The following ERMP1 variants were observed in gnomAD, a reference collection of about 807,000 sequenced individuals.
The protein encoded by ERMP1 is endoplasmic reticulum metallopeptidase 1, also known as Felix-ina.
A neutral mutation model predicts 92.0 loss-of-function variants in ERMP1; 86 were observed. That is an observed-to-expected ratio of 0.93 (90% CI 0.79 to 1.12). The LOEUF (loss-of-function observed/expected upper bound fraction) is 1.12, where lower values mean the gene tolerates loss of function less well. Ranked by LOEUF, ERMP1 falls within the 50% of genes most tolerant of loss-of-function variation. The probability of loss-of-function intolerance (pLI) is 0.00; values close to 1 mark genes in which losing one functional copy is unlikely to be tolerated. For synonymous variants in ERMP1, 530 were observed against 412.8 expected, an observed-to-expected ratio of 1.28 and a Z score of -3.44; for missense variants, 1,342 against 1,116.3, an observed-to-expected ratio of 1.20 and a Z score of -2.88.
intron 11 of ERMP1, among the ~76,000 whole-genome samples, chr9:5,800,603 G>A (rs1474694274): frequency 6.6e-6 from 1 of 152,110 alleles, no homozygotes; most frequent in African/African-American, 2.4e-5. Context: ...TTGAACCGAG[G>A]GGGCAGAGGT....
intron 2 of ERMP1, among the ~76,000 whole-genome samples, chr9:5,826,101 A>G (rs1189309793): frequency 6.6e-6 from 1 of 152,208 alleles, no homozygotes; most frequent in Non-Finnish European, 1.5e-5. Flanking sequence ...CTGCTTCAAA[A>G]TAATCAAGAA....
chr9:5,836,243 C>G (rs546307438), upstream of ERMP1, among the ~76,000 whole-genome samples: 2 of 152,186 alleles, frequency 1.3e-5, no homozygotes, highest in Non-Finnish European at 2.9e-5. Context: ...CATTCCATAG[C>G]CAATTTGCCG....
At chr9:5,804,941 G>GTT in intron 10 of ERMP1, 86 bp downstream of exon 10, 1 of 1,007,182 alleles carries the variant, frequency 9.9e-7, no homozygotes, top group Admixed American at 2.6e-5. Context: ...TAAAGTACAC[G>GTT]TAACACTATT....
chr9:5,813,011 T>A lies in ERMP1; in HGVS notation c.899A>T (p.Gln300Leu). 6.2e-7 allele frequency: 1 copy of A among 1,614,022 alleles called. No individual in the cohort carries two copies. The highest frequency in any genetic ancestry group is 8.5e-7 in the Non-Finnish European group (1 of 1,179,930). Reference sequence around the variant, plus strand: ...GTGTTTAGCTGCTGAAACATAAGCTTGAACCAACCAAGGATTTTCAGGACC... The same window carrying A: ...GTGTTTAGCTGCTGAAACATAAGCTAGAACCAACCAAGGATTTTCAGGACC... Reference protein sequence around the residue: ...QTGPENPWLVQAYVSAAKHPF... With the variant: ...QTGPENPWLVLAYVSAAKHPF... Residue 300 changes from glutamine to leucine, a missense_variant, in exon 5 of 15, where the codon CAA becomes CTA. Gln to Leu is a moderately radical substitution (Grantham distance 113, BLOSUM62 -2). Coordinates refer to ENST00000339450, the MANE Select transcript of ERMP1 (RefSeq NM_024896.3).
At chr9:5,814,105 G>C (rs979696388) in intron 4 of ERMP1, among the ~76,000 whole-genome samples, 1 of 152,042 alleles carries the variant, frequency 6.6e-6, no homozygotes, top group African/African-American at 2.4e-5. Context: ...CAACTGGGCA[G>C]AGTTTTCAAA....
intron 5 of ERMP1, 114 bp from the exon 6 acceptor site, chr9:5,812,331 T>C (rs141507908): frequency 1.3e-4 from 80 of 613,362 alleles, no homozygotes; most frequent in Middle Eastern, 4.4e-4. Context: ...AGTGGCACGA[T>C]TGCTTTGTCA....
At chr9:5,817,247 T>C (rs1422956736) in intron 4 of ERMP1, among the ~76,000 whole-genome samples, 2 of 148,594 alleles carry the variant, frequency 1.3e-5, no homozygotes, top group Non-Finnish European at 3.0e-5. Context: ...TGGAATGCAA[T>C]GGCATGATCT....
intron 6 of ERMP1, chr9:5,856,166 T>C (rs1268495007): frequency 1.6e-5 from 5 of 305,000 alleles, no homozygotes; most frequent in Non-Finnish European, 2.7e-5. Context: ...GGGCATTGGT[T>C]TGTCCTAAAG....
At chr9:5,857,307 C>G (rs1019680449) in intron 6 of ERMP1, among the ~76,000 whole-genome samples, 5 of 152,258 alleles carry the variant, frequency 3.3e-5, no homozygotes, top group Non-Finnish European at 5.9e-5. Flanking sequence ...CAGGCATGAG[C>G]CACTGTGCAT....
intron 5 of ERMP1, among the ~76,000 whole-genome samples, chr9:5,860,260 G>A (rs796264782): frequency 6.6e-6 from 1 of 151,080 alleles, no homozygotes; most frequent in Admixed American, 6.6e-5. Context: ...AGCTGTAATT[G>A]TGCCACTGTC....
At chr9:5,838,922 T>TTCCCCCTCTATTCCCCCTCTATTCCCCC (rs1830125090) in intron 6 of ERMP1, among the ~76,000 whole-genome samples, 3 of 152,176 alleles carry the variant, frequency 2.0e-5, no homozygotes, top group African/African-American at 4.8e-5. Flanking sequence ...TCCCCCTCTA[T>TTCCCCCTCTATTCCCCCTCTATTCCCCC]TCATTTCTCT....
intron 6 of ERMP1, among the ~76,000 whole-genome samples, chr9:5,845,298 T>G (rs964764707): frequency 1.3e-5 from 2 of 152,136 alleles, no homozygotes; most frequent in South Asian, 4.1e-4. Flanking sequence ...TGTTTTTGCT[T>G]GTGCCTATAA....
At chr9:5,843,702 T>G (rs919769853) in intron 6 of ERMP1, among the ~76,000 whole-genome samples, 3 of 152,196 alleles carry the variant, frequency 2.0e-5, no homozygotes, top group Non-Finnish European at 4.4e-5. Context: ...AGCAGAACGC[T>G]TTCTGAAGTT....
intron 5 of ERMP1, among the ~76,000 whole-genome samples, chr9:5,862,897 G>T (rs1830546194): frequency 6.6e-6 from 1 of 152,182 alleles, no homozygotes; most frequent in Non-Finnish European, 1.5e-5. Flanking sequence ...CAATAAGAAA[G>T]CCAGAATCCA....
intron 8 of ERMP1, among the ~76,000 whole-genome samples, chr9:5,807,968 C>G (rs1828931893): frequency 6.6e-6 from 1 of 152,102 alleles, no homozygotes; most frequent in African/African-American, 2.4e-5. Context: ...TTATGGCTCT[C>G]TTATGGCATC....
rs1156942274 is a variant in ERMP1 at position 5,832,778 on chromosome 9, G to C, written c.250C>G (p.Leu84Val). ...AGCGAGAGCTGCACCAGCGTCCGCA[G>C]CGCGATCAGGTAGAGCGCGAGCCCC... ...ALGLALYLIALRTLVQLSLQQ... is the reference protein window; with the variant it reads ...ALGLALYLIAVRTLVQLSLQQ... Residue 84 changes from leucine (L) to valine (V), a missense_variant, in exon 1 of 15, where the codon CTG (leucine) becomes GTG (valine). By Grantham distance (32) the Leu-to-Val change is conservative. Coordinates refer to ENST00000339450, the MANE Select transcript of ERMP1 (RefSeq NM_024896.3). The C allele has an allele frequency of 6.7e-7, 1 of 1,500,354 alleles. No individual in the cohort carries two copies. The highest frequency in any genetic ancestry group is 8.8e-7 in the Non-Finnish European group (1 of 1,132,946). 92.9% of individuals were successfully genotyped at this position (1,500,354 alleles called of 1,614,324 possible).
At chr9:5,841,654 G>A (rs1228695738) in intron 6 of ERMP1, among the ~76,000 whole-genome samples, 1 of 152,144 alleles carries the variant, frequency 6.6e-6, no homozygotes, top group Non-Finnish European at 1.5e-5. Context: ...AGCTGGGCAT[G>A]GTGGCACGTG....
At position 5,801,158 on chromosome 9, in the gene ERMP1, T is replaced by C. The variant is rs772612250; in HGVS notation, c.2067+18A>G. 2 of 1,600,610 alleles carry C rather than the reference T, an allele frequency of 1.2e-6. No homozygotes were observed. The highest frequency in any genetic ancestry group is 3.5e-5 in the Admixed American group (2 of 57,478). On this transcript the variant is annotated intron_variant, in intron 11 of 14. Transcript: ENST00000339450. Reference sequence around the variant, plus strand: ...GCTTCCTTTCCAGATCTCAAATACCTCATGCAAAACTGCTCACCTGAAGAA... The same window carrying C: ...GCTTCCTTTCCAGATCTCAAATACCCCATGCAAAACTGCTCACCTGAAGAA...
intron 11 of ERMP1, among the ~76,000 whole-genome samples, chr9:5,799,611 C>T (rs953404462): frequency 6.6e-6 from 1 of 152,124 alleles, no homozygotes; most frequent in African/African-American, 2.4e-5. Flanking sequence ...TTTTTATATA[C>T]GAACCATTAT....
Sources: gnomAD v4.1 joint callset for allele counts (sites outside exome capture counted in the v4.1 genomes callset) on GRCh38, gnomAD v4.1.1 for gene constraint, MANE v1.5 for transcripts, NCBI Gene and HGNC (gene_info 2026-07-23, HGNC 2026-07-21) for gene names.